The following AMELX variants were observed in gnomAD, a reference collection of about 807,000 sequenced individuals.
The protein encoded by AMELX is amelogenin X-linked.
A neutral mutation model predicts 15.8 loss-of-function variants in AMELX; 9 were observed. That is an observed-to-expected ratio of 0.57 (90% confidence interval 0.34 to 0.99). The LOEUF is 0.99. AMELX is among the 50% of genes least tolerant of loss of function. The probability of loss-of-function intolerance (pLI) is 0.02; values close to 1 mark genes in which losing one functional copy is unlikely to be tolerated. For missense variants in AMELX, 107 were observed against 156.2 expected, an observed-to-expected ratio of 0.68 and a Z score of 1.68; for synonymous variants, 61 against 58.8, an observed-to-expected ratio of 1.04 and a Z score of -0.17.
rs776675035 is a variant in AMELX at position 11,298,658 on chromosome X, C to T, written c.255C>T (p.Ile85=). 8.3e-7 allele frequency: 1 copy of T among 1,211,170 alleles called. No individual in the cohort carries two copies. Among genetic ancestry groups the T allele is most frequent in the Non-Finnish European group, 1.1e-6 (1 of 895,370 alleles). ...PTHTLQPHHH[I]PVVPAQQPVI... is the part of the protein sequence containing the mutation. ...ACACCCTGCAGCCTCATCACCACAT[C>T]CCAGTGGTGCCAGCTCAGCAGCCCG... is the stretch of plus-strand genomic sequence containing the variant. The change falls in exon 5 of 6, where the codon ATC becomes ATT. Residue 85 remains isoleucine (I), a synonymous_variant. Transcript: ENST00000380714.
chrX:11,302,900 A>G (rs1360129682), downstream of AMELX, among the ~76,000 whole-genome samples: 4 of 111,904 alleles, frequency 3.6e-5, no homozygotes, highest in Non-Finnish European at 5.6e-5. Flanking sequence ...TCAACTCCAC[A>G]CAAAATAAAA....
chrX:11,304,743 C>T (rs899954907), downstream of AMELX, among the ~76,000 whole-genome samples: 178 of 106,089 alleles, frequency 1.7e-3, no homozygotes, highest in Non-Finnish European at 3.0e-3. Flanking sequence ...TCAGCTAATT[C>T]CACATTATAA....
chrX:11,305,649 G>A (rs1232341302), downstream of AMELX, among the ~76,000 whole-genome samples: 1 of 111,663 alleles, frequency 9.0e-6, no homozygotes, highest in African/African-American at 3.3e-5. Flanking sequence ...TGTAACTACT[G>A]AATTCAAGGT....
chrX:11,306,453 TAATGATA>T, the AMELX span, among the ~76,000 whole-genome samples: 2 of 112,752 alleles, frequency 1.8e-5, no homozygotes, highest in Non-Finnish European at 3.7e-5. Context: ...CATATAAAAG[TAATGATA>T]ATAATAACAC....
intron 1 of AMELX, among the ~76,000 whole-genome samples, chrX:11,293,857 A>G (rs1237030770): frequency 8.9e-6 from 1 of 112,508 alleles, no homozygotes; most frequent in Admixed American, 9.4e-5. Context: ...CAAACAAACA[A>G]AAAACAAATT....
Position 11,296,856 on chromosome X carries a change from T to C in AMELX, c.102+30T>C, listed in dbSNP as rs201968803. On this transcript the variant is annotated intron_variant, in intron 3 of 5. Transcript: ENST00000380714. ...TTTTTCTCTTTACTAATTTTGACCATTGTTTGCGTTAACAATGCCCTGGGC... is the reference window on the plus strand; with the variant it reads ...TTTTTCTCTTTACTAATTTTGACCACTGTTTGCGTTAACAATGCCCTGGGC... 8 of 1,193,394 alleles carry C rather than the reference T, an allele frequency of 6.7e-6. No homozygotes were observed. The East Asian group carries it at 1.8e-4, about 27-fold the overall frequency.
intron 2 of AMELX, 103 bp from the exon 3 acceptor site, chrX:11,296,676 T>C: frequency 2.1e-6 from 2 of 934,321 alleles, no homozygotes; most frequent in South Asian, 2.0e-5. Flanking sequence ...TCTCCTTTAA[T>C]GTGAACAATT....
At chrX:11,294,511 G>A (rs955521380) in intron 1 of AMELX, among the ~76,000 whole-genome samples, 3 of 111,845 alleles carry the variant, frequency 2.7e-5, no homozygotes, top group Non-Finnish European at 5.6e-5. Flanking sequence ...GGCATGCAAA[G>A]TCATATGAAG....
chrX:11,307,439 C>T, the AMELX span, among the ~76,000 whole-genome samples: 2 of 112,100 alleles, frequency 1.8e-5, no homozygotes, highest in Non-Finnish European at 3.8e-5. Flanking sequence ...TGTTAGCTAT[C>T]AAGGCAGCAG....
At chrX:11,294,892 G>C (rs1258879601) in intron 2 of AMELX, 50 bp downstream of exon 2, 2 of 1,178,776 alleles carry the variant, frequency 1.7e-6, no homozygotes, top group Admixed American at 2.2e-5. Flanking sequence ...CACAAACTTG[G>C]ACATAAAAAT....
At chrX:11,298,079 T>C in intron 3 of AMELX, 157 bp from the exon 4 acceptor site, 1 of 1,209,611 alleles carries the variant, frequency 8.3e-7, no homozygotes, top group Non-Finnish European at 1.1e-6. Context: ...CCAACAAATT[T>C]TTACCTTCTT....
the AMELX span, among the ~76,000 whole-genome samples, chrX:11,308,524 C>T: frequency 1.8e-5 from 2 of 111,448 alleles, no homozygotes; most frequent in Non-Finnish European, 3.8e-5. Flanking sequence ...AATCAGTTAT[C>T]GATGTTATAG....
chrX:11,309,174 T>C, the AMELX span, among the ~76,000 whole-genome samples: 1 of 112,101 alleles, frequency 8.9e-6, no homozygotes, highest in Non-Finnish European at 1.9e-5. Flanking sequence ...CTTCCTGGCT[T>C]GGGTCCTACC....
intron 1 of AMELX, among the ~76,000 whole-genome samples, chrX:11,294,048 A>C (rs1438512642): frequency 8.9e-6 from 1 of 112,607 alleles, no homozygotes; most frequent in Non-Finnish European, 1.9e-5. Flanking sequence ...TTATTTATAG[A>C]ATAATTACAG....
At chrX:11,294,518 G>T (rs986832610) in intron 1 of AMELX, among the ~76,000 whole-genome samples, 9 of 111,934 alleles carry the variant, frequency 8.0e-5, no homozygotes, top group African/African-American at 2.9e-4. Flanking sequence ...AAAGTCATAT[G>T]AAGATAGATC....
downstream of AMELX, among the ~76,000 whole-genome samples, chrX:11,302,962 C>G (rs1415103954): frequency 3.6e-5 from 4 of 112,031 alleles, no homozygotes; most frequent in East Asian, 8.4e-4. Flanking sequence ...TAAACAATAG[C>G]TGAAAATACC....
chrX:11,296,735 C>G (rs1442337514), intron 2 of AMELX, 44 bp from the exon 3 acceptor site: 1 of 1,150,838 alleles, frequency 8.7e-7, no homozygotes, highest in Admixed American at 2.2e-5. Flanking sequence ...TCACTCTCTC[C>G]CTTCCTCTCT....
chrX:11,302,485 A>T (rs1270473479), downstream of AMELX, among the ~76,000 whole-genome samples: 2 of 111,787 alleles, frequency 1.8e-5, no homozygotes, highest in Non-Finnish European at 3.8e-5. Flanking sequence ...AACTTTACAT[A>T]CTAAAATGGT....
chrX:11,304,707 C>A (rs1398851688), downstream of AMELX, among the ~76,000 whole-genome samples: 1 of 108,859 alleles, frequency 9.2e-6, no homozygotes, highest in East Asian at 2.9e-4. Flanking sequence ...CAGACCCTTC[C>A]CTTGTCACTC....
Sources: gnomAD v4.1 joint callset for allele counts (sites outside exome capture counted in the v4.1 genomes callset) on GRCh38, gnomAD v4.1.1 for gene constraint, MANE v1.5 for transcripts, NCBI Gene and HGNC (gene_info 2026-07-23, HGNC 2026-07-21) for gene names.